The following DENND5A variants were observed in gnomAD, a reference collection of about 807,000 sequenced individuals.
The protein encoded by DENND5A is DENN domain-containing protein 5A.
DENND5A carries 64 observed loss-of-function variants against 140.3 expected under a neutral mutation model. That is an observed-to-expected ratio of 0.46 (90% CI 0.37 to 0.56). DENND5A has a LOEUF of 0.56. Among genes scored for constraint, DENND5A ranks in the 20% least tolerant of loss-of-function variants. The pLI is 0.00. For missense variants in DENND5A, 1,292 were observed against 1,593.8 expected (o/e 0.81, Z 3.22); for synonymous variants, 605 against 607.7 (o/e 1.00, Z 0.07).
intron 12 of DENND5A, among the ~76,000 whole-genome samples, chr11:9,152,693 A>C (rs1847660237): frequency 6.6e-6 from 1 of 152,182 alleles, no homozygotes; most frequent in Non-Finnish European, 1.5e-5. Flanking sequence ...GAGCCTGGTA[A>C]GGGACCAGTG....
At chr11:9,192,322 C>T (rs2136193796) in intron 5 of DENND5A, among the ~76,000 whole-genome samples, 1 of 152,170 alleles carries the variant, frequency 6.6e-6, no homozygotes, top group Non-Finnish European at 1.5e-5. Flanking sequence ...ATATTCCTCA[C>T]TTATATACAA....
At chr11:9,221,156 C>T (rs1850297219) in intron 1 of DENND5A, among the ~76,000 whole-genome samples, 1 of 151,660 alleles carries the variant, frequency 6.6e-6, no homozygotes, top group African/African-American at 2.4e-5. Flanking sequence ...ATCGGCTGGA[C>T]ACGGTGGCTC....
chr11:9,250,043 T>TAA (rs145412972), intron 1 of DENND5A, among the ~76,000 whole-genome samples: 2,804 of 115,434 alleles, frequency 0.024, 36 homozygotes, highest in African/African-American at 0.045. Context: ...AAAATAAAAT[T>TAA]TAAAAAAAAA....
intron 11 of DENND5A, 137 bp downstream of exon 11, chr11:9,165,699 G>T (rs1590224003): frequency 9.5e-7 from 1 of 1,047,356 alleles, no homozygotes; most frequent in Non-Finnish European, 1.4e-6. Context: ...CTCCCAAAGT[G>T]TTGGGATTAC....
chr11:9,246,402 G>C (rs1363588691), intron 1 of DENND5A, among the ~76,000 whole-genome samples: 4 of 151,958 alleles, frequency 2.6e-5, no homozygotes, highest in Non-Finnish European at 4.4e-5. Flanking sequence ...CATGAGGTCA[G>C]GAGATTGAGA....
chr11:9,246,341 G>A (rs1010138569), intron 1 of DENND5A, among the ~76,000 whole-genome samples: 1 of 152,126 alleles, frequency 6.6e-6, no homozygotes, highest in Admixed American at 6.6e-5. Flanking sequence ...GGCCAGGTGG[G>A]GTGGCTCATG....
intron 21 of DENND5A, 36 bp downstream of exon 21, chr11:9,142,686 A>G (rs760848249): frequency 2.5e-6 from 4 of 1,613,122 alleles, no homozygotes; most frequent in Non-Finnish European, 3.4e-6. Context: ...ATATCTCTAC[A>G]TGCTTCTCCC....
At chr11:9,178,806 A>G (rs1184863508) in intron 7 of DENND5A, 52 bp downstream of exon 7, 3 of 1,445,842 alleles carry the variant, frequency 2.1e-6, no homozygotes, top group Non-Finnish European at 1.9e-6. Flanking sequence ...TCTTCAAGAC[A>G]TAACTGGCAA....
chr11:9,171,821 C>T (rs987956745), intron 8 of DENND5A: 13 of 152,088 alleles, frequency 8.5e-5, no homozygotes, highest in African/African-American at 3.1e-4. Context: ...TATAATTACA[C>T]TACCGCACTC....
intron 15 of DENND5A, among the ~76,000 whole-genome samples, chr11:9,148,360 T>C (rs1178715804): frequency 6.6e-6 from 1 of 151,054 alleles, no homozygotes; most frequent in African/African-American, 2.4e-5. Flanking sequence ...AAAAAGGCTA[T>C]TCAAATGAAG....
chr11:9,218,735 G>A lies in DENND5A; in HGVS notation c.110-11103C>T, dbSNP rs1405725694. The stretch of plus-strand genomic sequence containing the variant: ...AAAATAAATGTATTGGGCCGGCGTG[G>A]TGGCTCACGCCTGTAATCCCAGCAC... On this transcript the variant is annotated intron_variant, in intron 1 of 22. Coordinates refer to ENST00000328194, the MANE Select transcript of DENND5A (RefSeq NM_015213.4). Among the ~76,000 whole-genome samples, 14 of 152,272 alleles carry A rather than the reference G, an allele frequency of 9.2e-5. No homozygotes were observed. The South Asian group carries it at 2.5e-3, about 27-fold the overall frequency.
intron 19 of DENND5A, 71 bp from the exon 20 acceptor site, chr11:9,143,556 A>G: frequency 7.7e-7 from 1 of 1,296,970 alleles, no homozygotes; most frequent in South Asian, 1.2e-5. Context: ...TGAGCAGGAG[A>G]CTGAGGACAC....
intron 8 of DENND5A, chr11:9,176,973 G>C (rs1021619053): frequency 4.4e-6 from 2 of 455,378 alleles, no homozygotes; most frequent in Middle Eastern, 6.5e-4. Context: ...GGGAAAAATA[G>C]GCTGGGCACA....
At chr11:9,260,132 C>T (rs1354254057) in intron 1 of DENND5A, among the ~76,000 whole-genome samples, 1 of 151,696 alleles carries the variant, frequency 6.6e-6, no homozygotes, top group Non-Finnish European at 1.5e-5. Context: ...ATCCTTATCC[C>T]TAGCCACTTC....
At chr11:9,200,422 T>C (rs1251248674) in intron 4 of DENND5A, among the ~76,000 whole-genome samples, 1 of 152,220 alleles carries the variant, frequency 6.6e-6, no homozygotes, top group South Asian at 2.1e-4. Flanking sequence ...AAACTAGAAG[T>C]TGCAAAGTGA....
chr11:9,227,579 T>C (rs1033145802), intron 1 of DENND5A, among the ~76,000 whole-genome samples: 1 of 152,190 alleles, frequency 6.6e-6, no homozygotes, highest in African/African-American at 2.4e-5. Context: ...CACAGGACTT[T>C]AAAGACAGGA....
intron 1 of DENND5A, among the ~76,000 whole-genome samples, chr11:9,221,999 C>T (rs1056119962): frequency 1.3e-5 from 2 of 149,498 alleles, no homozygotes; most frequent in Non-Finnish European, 3.0e-5. Flanking sequence ...CCTCATGATC[C>T]GCCCACCTTG....
intron 4 of DENND5A, among the ~76,000 whole-genome samples, chr11:9,201,571 G>A (rs1413231628): frequency 6.6e-6 from 1 of 152,112 alleles, no homozygotes; most frequent in African/African-American, 2.4e-5. Flanking sequence ...ACGGGAAGCT[G>A]AGGTGGGAGG....
At chr11:9,160,940 G>A in intron 11 of DENND5A, 75 bp from the exon 12 acceptor site, 3 of 1,437,676 alleles carry the variant, frequency 2.1e-6, no homozygotes, top group Non-Finnish European at 2.9e-6. Flanking sequence ...GGTTCTGACA[G>A]CCTGCACAGT....
Sources: gnomAD v4.1 joint callset for allele counts (sites outside exome capture counted in the v4.1 genomes callset) on GRCh38, gnomAD v4.1.1 for gene constraint, MANE v1.5 for transcripts, NCBI Gene and HGNC (gene_info 2026-07-23, HGNC 2026-07-21) for gene names.